The following ATR variants were observed in gnomAD, a reference collection of about 807,000 sequenced individuals.
ATR encodes serine/threonine-protein kinase ATR.
Under a neutral mutation model 305.3 loss-of-function variants are expected in ATR, and 142 were observed. The observed-to-expected ratio is 0.47, with a 90% CI of 0.41 to 0.53. The LOEUF (loss-of-function observed/expected upper bound fraction) is 0.53, where lower values mean the gene tolerates loss of function less well. ATR is among the 20% of genes least tolerant of loss of function. The probability of loss-of-function intolerance (pLI) is 0.00; values close to 1 mark genes in which losing one functional copy is unlikely to be tolerated. For missense variants in ATR, 2,135 were observed against 3,133.1 expected, an observed-to-expected ratio of 0.68 and a Z score of 7.60; for synonymous variants, 1,050 against 1,068.1, an observed-to-expected ratio of 0.98 and a Z score of 0.33.
chr3:142,549,169 TTAAG>T (rs776876277), intron 15 of ATR, among the ~76,000 whole-genome samples: 1 of 152,198 alleles, frequency 6.6e-6, no homozygotes, highest in Non-Finnish European at 1.5e-5. Flanking sequence ...ATGGATATAA[TTAAG>T]TGTGTATCAT....
At chr3:142,496,035 T>C (rs1438108453) in intron 34 of ATR, among the ~76,000 whole-genome samples, 1 of 151,420 alleles carries the variant, frequency 6.6e-6, no homozygotes, top group African/African-American at 2.4e-5. Context: ...CCTGTATACA[T>C]ACATAAGGTG....
chr3:142,457,843 C>A (rs961808868), intron 44 of ATR, 88 bp from the exon 45 acceptor site: 2 of 1,408,222 alleles, frequency 1.4e-6, no homozygotes, highest in Admixed American at 2.0e-5. Flanking sequence ...ATTCTTTTAG[C>A]AAAAAGCAAA....
chr3:142,494,501 A>G (rs1022515267), intron 34 of ATR, among the ~76,000 whole-genome samples: 1 of 152,262 alleles, frequency 6.6e-6, no homozygotes, highest in Non-Finnish European at 1.5e-5. Flanking sequence ...TACCTGAAGA[A>G]TATAGGAAAA....
intron 13 of ATR, among the ~76,000 whole-genome samples, chr3:142,552,999 C>T (rs1170486255): frequency 2.6e-5 from 4 of 152,034 alleles, no homozygotes; most frequent in African/African-American, 9.7e-5. Flanking sequence ...ATAGTTAATG[C>T]ATGCTGGGCT....
At chr3:142,481,551 T>C (rs2030486325) in intron 36 of ATR, among the ~76,000 whole-genome samples, 1 of 152,186 alleles carries the variant, frequency 6.6e-6, no homozygotes, top group Non-Finnish European at 1.5e-5. Flanking sequence ...GTGGCTTGAC[T>C]TTTGACCTCC....
rs761194898 is a variant in ATR at position 142,505,237 on chromosome 3, G to C, written c.5098C>G (p.Pro1700Ala). Reference sequence around the variant, plus strand: ...TCAAGGATCTGTTCTTTTAGAGATGGTTCTGCCTTTCTAATTGCACTGACT... The same window carrying C: ...TCAAGGATCTGTTCTTTTAGAGATGCTTCTGCCTTTCTAATTGCACTGACT... ...AGVSAIRKAE[P>A]SLKEQILEHE... The change falls in exon 29 of 47, where the codon CCA becomes GCA. Residue 1700 changes from proline (P) to alanine (A), a missense_variant. Physicochemically the swap from Pro to Ala is conservative, Grantham distance 27 (BLOSUM62 -1). Coordinates refer to ENST00000350721, the MANE Select transcript of ATR (RefSeq NM_001184.4). The C allele has an allele frequency of 1.9e-6, 3 of 1,614,034 alleles. No individual in the cohort carries two copies. In the Admixed American group the frequency reaches 5.0e-5, roughly 27 times the overall value.
In ATR at chr3:142,578,669, GA is replaced by G; in HGVS notation, c.35del (p.Ile12ThrfsTer37). The G allele has an allele frequency of 6.2e-7, 1 of 1,613,402 alleles. No homozygotes were observed. Among genetic ancestry groups the G allele is most frequent in the Non-Finnish European group, 8.5e-7 (1 of 1,179,790 alleles). ...ACCTGCCCAGCTCCCGCAGGGCGGG[GA>G]TCATGGAAGCCAGCTCCAGGCCATG... ...GEHGLELASMIPALRELGSAT... is the reference protein window; with the variant it reads ...GEHGLELASMXPALRELGSAT... On this transcript the variant is annotated frameshift_variant, in exon 1 of 47. Coordinates refer to ENST00000350721, the MANE Select transcript of ATR (RefSeq NM_001184.4). LOFTEE classifies it high-confidence loss of function.
chr3:142,484,302 C>G (rs1013610419), intron 36 of ATR, among the ~76,000 whole-genome samples: 1 of 152,328 alleles, frequency 6.6e-6, no homozygotes, highest in African/African-American at 2.4e-5. Flanking sequence ...TATTTGTCCA[C>G]TCACATTTCT....
intron 29 of ATR, 31 bp from the exon 30 acceptor site, chr3:142,503,484 T>G: frequency 1.4e-6 from 2 of 1,399,372 alleles, no homozygotes; most frequent in Non-Finnish European, 2.0e-6. Context: ...AAAATAGCAA[T>G]TATCACTTCA....
At chr3:142,549,288 C>A (rs2034391529) in intron 15 of ATR, among the ~76,000 whole-genome samples, 191 bp downstream of exon 15, 1 of 152,004 alleles carries the variant, frequency 6.6e-6, no homozygotes, top group African/African-American at 2.4e-5. Context: ...GTGAAATGAT[C>A]AAAGAAAACA....
At chr3:142,528,289 C>G (rs1330574467) in intron 21 of ATR, among the ~76,000 whole-genome samples, 1 of 152,088 alleles carries the variant, frequency 6.6e-6, no homozygotes, top group East Asian at 1.9e-4. Flanking sequence ...TTATTTTATA[C>G]TGAGAATAAC....
chr3:142,500,939 C>T (rs535492881), intron 30 of ATR, among the ~76,000 whole-genome samples: 76 of 152,220 alleles, frequency 5.0e-4, no homozygotes, highest in Non-Finnish European at 8.4e-4. Flanking sequence ...GGGGATGTGT[C>T]ACACGAAGAC....
chr3:142,539,772 G>A (rs767289325), intron 18 of ATR, among the ~76,000 whole-genome samples: 2 of 152,076 alleles, frequency 1.3e-5, no homozygotes, highest in Non-Finnish European at 2.9e-5. Context: ...CAAATTTTAT[G>A]AGGAATTTTG....
intron 28 of ATR, 109 bp downstream of exon 28, chr3:142,507,822 A>C (rs542339496): frequency 2.8e-6 from 3 of 1,060,264 alleles, no homozygotes; most frequent in Non-Finnish European, 4.1e-6. Context: ...CCACTAATCT[A>C]TAAGCTTCTA....
intron 1 of ATR, among the ~76,000 whole-genome samples, chr3:142,571,380 C>T (rs2035252422): frequency 1.3e-5 from 2 of 151,982 alleles, no homozygotes; most frequent in Non-Finnish European, 2.9e-5. Flanking sequence ...GCAGGAGAAT[C>T]GCTTGAATCT....
chr3:142,452,389 T>A (rs1427328126), intron 46 of ATR: 1 of 986,876 alleles, frequency 1.0e-6, no homozygotes, highest in Non-Finnish European at 1.2e-6. Context: ...AAAACAACTA[T>A]CTGAGCTAGG....
intron 38 of ATR, among the ~76,000 whole-genome samples, chr3:142,469,105 T>G (rs1044708633): frequency 1.3e-5 from 2 of 152,210 alleles, no homozygotes; most frequent in African/African-American, 4.8e-5. Flanking sequence ...AGAAAACACA[T>G]GCTGAATTAT....
chr3:142,518,649 TTATC>T (rs1364911828), intron 24 of ATR, among the ~76,000 whole-genome samples: 1 of 152,188 alleles, frequency 6.6e-6, no homozygotes, highest in Non-Finnish European at 1.5e-5. Flanking sequence ...GTATAAAAAA[TTATC>T]TAGGAAATAA....
chr3:142,531,469 T>C (rs926869129), intron 21 of ATR, among the ~76,000 whole-genome samples: 2 of 152,054 alleles, frequency 1.3e-5, no homozygotes, highest in African/African-American at 4.8e-5. Context: ...TGTGTTCTCA[T>C]TGTTCAATTC....
Sources: allele counts gnomAD v4.1 joint callset (sites outside exome capture counted in the v4.1 genomes callset), GRCh38; gene constraint gnomAD v4.1.1; transcripts MANE v1.5; gene names NCBI Gene and HGNC (gene_info 2026-07-23, HGNC 2026-07-21).